Variants in PTBP2 observed in about 807,000 individuals in gnomAD.
PTBP2 encodes the protein polypyrimidine tract-binding protein 2.
In PTBP2, 13 loss-of-function variants were observed where a neutral mutation model predicts 61.4. The ratio of observed to expected loss-of-function variants is 0.21; its 90% CI spans 0.14 to 0.34. The LOEUF (loss-of-function observed/expected upper bound fraction) is 0.34, where lower values mean the gene tolerates loss of function less well. Ranked by LOEUF, PTBP2 falls within the 10% of genes least tolerant of loss-of-function variation. The pLI is 1.00. For synonymous variants in PTBP2, 215 were observed against 218.5 expected, an observed-to-expected ratio of 0.98 and a Z score of 0.14; for missense variants, 405 against 642.6, an observed-to-expected ratio of 0.63 and a Z score of 4.00.
rs992274108 is a variant in PTBP2 at position 96,809,968 on chromosome 1, AAAAT to A, written c.1172-2742_1172-2739del. Among the ~76,000 whole-genome samples the A allele has an allele frequency of 8.5e-5, 13 of 152,264 alleles. 1 individual carries two copies. The highest frequency in any genetic ancestry group is 3.1e-4 in the African/African-American group (13 of 41,562). On this transcript the variant is annotated intron_variant, in intron 11 of 13. Coordinates refer to ENST00000674951, the MANE Select transcript of PTBP2 (RefSeq NM_021190.4). ...AGTTGGATTCTTTGAAAAGACTAAA[AAAAT>A]AGACAAACATCTAAAGATTGATTAA...
intron 2 of PTBP2, among the ~76,000 whole-genome samples, chr1:96,733,385 C>T (rs1651715006): frequency 6.6e-6 from 1 of 152,136 alleles, no homozygotes; most frequent in Non-Finnish European, 1.5e-5. Flanking sequence ...AACCTATTCT[C>T]AAGAAAGGGC....
intron 11 of PTBP2, among the ~76,000 whole-genome samples, chr1:96,807,292 C>A (rs1301141408): frequency 3.3e-5 from 5 of 152,090 alleles, no homozygotes; most frequent in African/African-American, 1.2e-4. Flanking sequence ...GCTAACTGTT[C>A]ATACAGTCCA....
At chr1:96,818,305 ATATT>A (rs1267326401), downstream of PTBP2, 1 of 152,088 alleles carries the variant, frequency 6.6e-6, no homozygotes, top group Non-Finnish European at 1.5e-5. Flanking sequence ...AAATAGAAGA[ATATT>A]TAACAAACCC....
chr1:96,779,284 G>A (rs1234971926), intron 7 of PTBP2, among the ~76,000 whole-genome samples: 4 of 151,950 alleles, frequency 2.6e-5, no homozygotes, highest in Non-Finnish European at 4.4e-5. Context: ...AGAAGTCATG[G>A]TTTCTGTGAC....
chr1:96,781,581 CTT>C (rs1278034337), intron 7 of PTBP2, among the ~76,000 whole-genome samples: 1 of 151,986 alleles, frequency 6.6e-6, no homozygotes, highest in Non-Finnish European at 1.5e-5. Context: ...TTCTGCTTCT[CTT>C]TGTCTTTCAA....
At chr1:96,810,661 T>G (rs1006864714) in intron 11 of PTBP2, among the ~76,000 whole-genome samples, 7 of 152,234 alleles carry the variant, frequency 4.6e-5, no homozygotes, top group Non-Finnish European at 7.3e-5. Context: ...GTCTTTTTAT[T>G]TAGACAGCTT....
intron 5 of PTBP2, among the ~76,000 whole-genome samples, chr1:96,772,137 C>T (rs1657453504): frequency 6.6e-6 from 1 of 152,166 alleles, no homozygotes; most frequent in Non-Finnish European, 1.5e-5. Flanking sequence ...CAAGTCAGGC[C>T]TCTGGAACTT....
At chr1:96,744,671 T>A (rs925621080) in intron 2 of PTBP2, among the ~76,000 whole-genome samples, 1 of 152,182 alleles carries the variant, frequency 6.6e-6, no homozygotes, top group African/African-American at 2.4e-5. Context: ...TAGTATTGGC[T>A]ATCTATGTAG....
intron 8 of PTBP2, among the ~76,000 whole-genome samples, chr1:96,803,429 G>A (rs1392285440): frequency 1.3e-5 from 2 of 151,106 alleles, no homozygotes; most frequent in African/African-American, 2.4e-5. Context: ...AAAAAGGAGA[G>A]CCTAAAAAAA....
At chr1:96,751,565 A>G in intron 3 of PTBP2, 65 bp downstream of exon 3, 3 of 1,230,458 alleles carry the variant, frequency 2.4e-6, no homozygotes, top group Non-Finnish European at 3.5e-6. Context: ...TAAAACTCAA[A>G]TTTAACCCTG....
chr1:96,745,203 C>A (rs1319850063), intron 2 of PTBP2, among the ~76,000 whole-genome samples: 1 of 151,546 alleles, frequency 6.6e-6, no homozygotes, highest in Admixed American at 6.6e-5. Flanking sequence ...TGCTCTGATA[C>A]CCACGCTGGA....
chr1:96,738,873 A>G (rs1652591848), intron 2 of PTBP2, among the ~76,000 whole-genome samples: 2 of 151,454 alleles, frequency 1.3e-5, no homozygotes, highest in Admixed American at 6.5e-5. Flanking sequence ...CTAGTAACTC[A>G]TAAGGAAAAA....
intron 3 of PTBP2, among the ~76,000 whole-genome samples, chr1:96,762,988 G>A (rs977728719): frequency 6.6e-6 from 1 of 151,368 alleles, no homozygotes; most frequent in Non-Finnish European, 1.5e-5. Context: ...ATGGGCGGCC[G>A]GGCAGAGACG....
At chr1:96,745,792 C>T (rs892619055) in intron 2 of PTBP2, among the ~76,000 whole-genome samples, 5 of 151,926 alleles carry the variant, frequency 3.3e-5, no homozygotes, top group Admixed American at 6.6e-5. Context: ...TTAGGCCGGG[C>T]GTGGTGGCTC....
chr1:96,742,408 C>G (rs1653155817), intron 2 of PTBP2, among the ~76,000 whole-genome samples: 1 of 152,128 alleles, frequency 6.6e-6, no homozygotes, highest in Non-Finnish European at 1.5e-5. Flanking sequence ...TTGAAAGCTT[C>G]AAATTTCTCA....
At chr1:96,806,555 C>A (rs752849828) in intron 10 of PTBP2, 103 bp downstream of exon 10, 84 of 1,284,754 alleles carry the variant, frequency 6.5e-5, no homozygotes, top group Non-Finnish European at 8.4e-5. Context: ...AATAGTAAAT[C>A]TTTTGCTATT....
At chr1:96,768,972 C>T (rs1359055302) in intron 3 of PTBP2, among the ~76,000 whole-genome samples, 1 of 151,884 alleles carries the variant, frequency 6.6e-6, no homozygotes, top group African/African-American at 2.4e-5. Context: ...TTATAATCTT[C>T]CTAATTTTGG....
chr1:96,751,260 A>T (rs753315019), intron 2 of PTBP2, 165 bp from the exon 3 acceptor site: 30 of 691,642 alleles, frequency 4.3e-5, no homozygotes, highest in Non-Finnish European at 7.4e-5. Context: ...AGAATGGGAG[A>T]GGGATAGATG....
chr1:96,765,721 T>C (rs1180720691), intron 3 of PTBP2, among the ~76,000 whole-genome samples: 1 of 151,238 alleles, frequency 6.6e-6, no homozygotes, highest in Non-Finnish European at 1.5e-5. Flanking sequence ...GATAGATAGA[T>C]AGATAGATAG....
Sources: allele counts gnomAD v4.1 joint callset (sites outside exome capture counted in the v4.1 genomes callset), GRCh38; gene constraint gnomAD v4.1.1; transcripts MANE v1.5; gene names NCBI Gene and HGNC (gene_info 2026-07-23, HGNC 2026-07-21).